The following CSF2RA variants were observed in gnomAD, a reference collection of about 807,000 sequenced individuals.
CSF2RA encodes the protein colony stimulating factor 2 receptor subunit alpha.
Under a neutral mutation model 51.6 loss-of-function variants are expected in CSF2RA, and 42 were observed. The ratio of observed to expected loss-of-function variants is 0.81; its 90% CI spans 0.64 to 1.05. CSF2RA has a LOEUF of 1.05. Among genes scored for constraint, CSF2RA ranks in the 50% least tolerant of loss-of-function variants. The pLI, the probability that CSF2RA is intolerant of heterozygous loss-of-function variation, is 0.00. For missense variants in CSF2RA, 530 were observed against 501.1 expected, an observed-to-expected ratio of 1.06 and a Z score of -0.55; for synonymous variants, 222 against 193.0, an observed-to-expected ratio of 1.15 and a Z score of -1.24.
At chrX:1,289,509 C>CTTGTT (rs1376952521) in intron 6 of CSF2RA, among the ~76,000 whole-genome samples, 1 of 150,514 alleles carries the variant, frequency 6.6e-6, no homozygotes, top group East Asian at 2.0e-4. Flanking sequence ...TTTTTGTGTT[C>CTTGTT]TTGTTTTGTT....
In CSF2RA at chrX:1,305,465, C is replaced by T; in HGVS notation, c.1063C>T (p.Leu355=). ...TCTCAGGTTCCTTAGGATACAGCGG[C>T]TGTTCCCGCCAGTTCCACAGATCAA... ...LFKRFLRIQR[L]FPPVPQIKDK... is the part of the protein sequence containing the mutation. The change falls in exon 12 of 13, where the codon CTG becomes TTG. Residue 355 remains leucine, a synonymous_variant. Transcript: ENST00000381529. 1 of 1,613,958 alleles carries T rather than the reference C, an allele frequency of 6.2e-7. No homozygotes were observed. The highest frequency in any genetic ancestry group is 1.3e-5 in the African/African-American group (1 of 75,044).
At chrX:1,317,468 C>G in the CSF2RA span, among the ~76,000 whole-genome samples, 2 of 149,426 alleles carry the variant, frequency 1.3e-5, no homozygotes, top group Non-Finnish European at 3.0e-5. Flanking sequence ...TCAGGCTGGT[C>G]TCGAACTCCT....
intron 2 of CSF2RA, among the ~76,000 whole-genome samples, chrX:1,275,974 T>A (rs1216602021): frequency 6.6e-6 from 1 of 151,898 alleles, no homozygotes; most frequent in Non-Finnish European, 1.5e-5. Flanking sequence ...ATTACAGGCG[T>A]AAGCCACAGC....
chrX:1,290,287 G>T, intron 6 of CSF2RA, 50 bp from the exon 7 acceptor site: 4 of 1,448,506 alleles, frequency 2.8e-6, no homozygotes, highest in Admixed American at 1.7e-5. Flanking sequence ...GTGTTTTTGT[G>T]TTTTGTTTTG....
At chrX:1,269,968 G>C in intron 1 of CSF2RA, among the ~76,000 whole-genome samples, 3 of 151,580 alleles carry the variant, frequency 2.0e-5, no homozygotes, top group Middle Eastern at 6.8e-3. Flanking sequence ...AATTAGCTAG[G>C]TGTGGCAGTG....
Position 1,295,858 on chromosome X carries a change from A to G in CSF2RA, c.810+402A>G, listed in dbSNP as rs1164596348. ...TTAATCCTACAGTCCCCTACTCACC[A>G]CACCTAATGTAACTCTACAGTCCCC... On this transcript the variant is annotated intron_variant, in intron 9 of 12. Coordinates refer to ENST00000381529, the MANE Select transcript of CSF2RA (RefSeq NM_172245.4). Among the ~76,000 whole-genome samples, 6 of 120,998 alleles carry G rather than the reference A, an allele frequency of 5.0e-5. 1 individual carries two copies. The highest frequency in any genetic ancestry group is 8.8e-5 in the Non-Finnish European group (5 of 57,102). The allele number at this position is 120,998 out of a possible 152,430, so 79.4% of individuals were successfully genotyped here.
At chrX:1,314,887 C>CCG (rs1569515080), downstream of CSF2RA, among the ~76,000 whole-genome samples, 4 of 49,464 alleles carry the variant, frequency 8.1e-5, no homozygotes, top group African/African-American at 2.6e-4. Context: ...ACCTGCCCAA[C>CCG]CACACTGAAC....
At chrX:1,294,286 G>A (rs2091701680) in intron 7 of CSF2RA, 42 bp from the exon 8 acceptor site, 1 of 1,611,952 alleles carries the variant, frequency 6.2e-7, no homozygotes, top group African/African-American at 1.3e-5. Context: ...GTGTAGACAG[G>A]ACCTCTCGGG....
At chrX:1,296,661 C>G (rs1225580488) in intron 9 of CSF2RA, among the ~76,000 whole-genome samples, 6 of 49,762 alleles carry the variant, frequency 1.2e-4, no homozygotes, top group African/African-American at 4.6e-4. Flanking sequence ...ACTCACGACC[C>G]CTACAGTCTC....
At chrX:1,310,094 C>T (rs1178361749), downstream of CSF2RA, 2 of 310,616 alleles carry the variant, frequency 6.4e-6, no homozygotes, top group African/African-American at 4.4e-5. Flanking sequence ...ATCTGGGAGG[C>T]TGAGGCGGGA....
the CSF2RA span, among the ~76,000 whole-genome samples, chrX:1,317,721 G>C: frequency 2.0e-5 from 3 of 151,932 alleles, no homozygotes; most frequent in Non-Finnish European, 4.4e-5. Context: ...TCCCAGGGAG[G>C]TACAAGCTTT....
At chrX:1,278,230 G>T (rs1232174190) in intron 2 of CSF2RA, among the ~76,000 whole-genome samples, 1 of 149,218 alleles carries the variant, frequency 6.7e-6, no homozygotes, top group East Asian at 2.0e-4. Context: ...GCTACTTGGA[G>T]GCTGAGGCAG....
At chrX:1,314,999 AACCC>A (rs1433381592), downstream of CSF2RA, among the ~76,000 whole-genome samples, 2 of 132,816 alleles carry the variant, frequency 1.5e-5, no homozygotes, top group African/African-American at 2.7e-5. Flanking sequence ...GCACCTGCCC[AACCC>A]CACTGCACCT....
Position 1,284,831 on chromosome X carries a change from A to AT in CSF2RA, c.77-940dup, listed in dbSNP as rs1412828182. ...AGGTACCCGCCACCATGTCCACCTA[A>AT]TTTTTTTGTATTTTTAGTAGAGACA... is the stretch of plus-strand genomic sequence containing the variant. On this transcript the variant is annotated intron_variant, in intron 3 of 12. Coordinates refer to ENST00000381529, the MANE Select transcript of CSF2RA (RefSeq NM_172245.4). Among the ~76,000 whole-genome samples the AT allele has an allele frequency of 4.0e-5, 6 of 151,558 alleles. 1 individual carries two copies. Among genetic ancestry groups the AT allele is most frequent in the East Asian group, 1.9e-4 (1 of 5,146 alleles).
intron 10 of CSF2RA, among the ~76,000 whole-genome samples, chrX:1,301,595 C>CTTTTTTT (rs777108928): frequency 9.4e-6 from 1 of 105,830 alleles, no homozygotes; most frequent in Non-Finnish European, 1.9e-5. Flanking sequence ...CTCTTTTTTT[C>CTTTTTTT]TTTTTTTTTT....
intron 1 of CSF2RA, among the ~76,000 whole-genome samples, chrX:1,272,207 G>A (rs1435173275): frequency 1.3e-5 from 2 of 151,804 alleles, no homozygotes; most frequent in African/African-American, 4.8e-5. Flanking sequence ...GCCTGCCTCG[G>A]CCTCCCAGTG....
chrX:1,290,273 T>A, intron 6 of CSF2RA, 64 bp from the exon 7 acceptor site: 1 of 1,316,328 alleles, frequency 7.6e-7, no homozygotes, highest in South Asian at 1.2e-5. Context: ...TTTTGTTTTG[T>A]TTTGTGTTTT....
chrX:1,312,186 G>A (rs1192678929), downstream of CSF2RA, among the ~76,000 whole-genome samples: 1 of 152,054 alleles, frequency 6.6e-6, no homozygotes, highest in East Asian at 1.9e-4. Flanking sequence ...TGATCCACCT[G>A]CCTCAACCTC....
chrX:1,286,398 A>G (rs1429778265), intron 4 of CSF2RA, among the ~76,000 whole-genome samples: 10 of 152,020 alleles, frequency 6.6e-5, no homozygotes, highest in Non-Finnish European at 4.4e-5. Flanking sequence ...GTGAAACCCC[A>G]TCTCTACTAA....
Sources: gnomAD v4.1 joint callset for allele counts (sites outside exome capture counted in the v4.1 genomes callset) on GRCh38, gnomAD v4.1.1 for gene constraint, MANE v1.5 for transcripts, NCBI Gene and HGNC (gene_info 2026-07-23, HGNC 2026-07-21) for gene names.